Variants in TMEM132B observed in about 807,000 individuals in gnomAD.
TMEM132B encodes the protein transmembrane protein 132B.
A neutral mutation model predicts 90.8 loss-of-function variants in TMEM132B; 18 were observed. The ratio of observed to expected loss-of-function variants is 0.20; its 90% confidence interval spans 0.14 to 0.29. The LOEUF is 0.29. TMEM132B is among the 10% of genes least tolerant of loss of function. The pLI, the probability that TMEM132B is intolerant of heterozygous loss-of-function variation, is 1.00. For synonymous variants in TMEM132B, 504 were observed against 523.3 expected (o/e 0.96, Z 0.50); for missense variants, 1,096 against 1,326.8 (o/e 0.83, Z 2.70).
At chr12:125,227,842 A>C (rs151288089) in intron 1 of TMEM132B, among the ~76,000 whole-genome samples, 30 of 152,294 alleles carry the variant, frequency 2.0e-4, no homozygotes, top group African/African-American at 6.5e-4. Flanking sequence ...CCAGGAGACC[A>C]GCTCCATGGG....
rs190566634 is a variant in TMEM132B, at chr12:125,435,678, A to G, written c.1106+20001A>G. On this transcript the variant is annotated intron_variant, in intron 3 of 8. Coordinates refer to ENST00000682704, the MANE Select transcript of TMEM132B (RefSeq NM_001366854.1). ...AAAGATTTACTAACAGATGGAAGAAAGTGTCAGGGAGAAAAATAAAGCAGG... is the reference window on the plus strand; with the variant it reads ...AAAGATTTACTAACAGATGGAAGAAGGTGTCAGGGAGAAAAATAAAGCAGG... 9.8e-5 allele frequency among the ~76,000 whole-genome samples: 15 copies of G among 152,288 alleles called. 1 individual carries two copies. Among genetic ancestry groups the G allele is most frequent in the African/African-American group, 3.6e-4 (15 of 41,526 alleles).
Position 125,650,665 on chromosome 12 carries a change from C to G in TMEM132B, c.1644-18C>G. 6.2e-7 allele frequency: 1 copy of G among 1,601,014 alleles called. No individual in the cohort carries two copies. The highest frequency in any genetic ancestry group is 8.6e-7 in the Non-Finnish European group (1 of 1,169,036). On this transcript the variant is annotated intron_variant, in intron 6 of 8. Coordinates refer to ENST00000682704, the MANE Select transcript of TMEM132B (RefSeq NM_001366854.1). ...TAACAATGAAGACTTTGTTCTGTTT[C>G]GATTCCTTGTGCTCCAGGCCTACCC...
At chr12:125,297,252 G>GGA (rs1565995670) in intron 1 of TMEM132B, among the ~76,000 whole-genome samples, 2 of 152,218 alleles carry the variant, frequency 1.3e-5, no homozygotes, top group African/African-American at 4.8e-5. Flanking sequence ...ATCGTCTCAT[G>GGA]TCCCGAGGCA....
At chr12:125,622,236 G>T (rs544467922) in intron 5 of TMEM132B, among the ~76,000 whole-genome samples, 7 of 152,216 alleles carry the variant, frequency 4.6e-5, no homozygotes, top group Non-Finnish European at 1.0e-4. Context: ...GAAAAATATG[G>T]CTTAATTACA....
Position 125,453,076 on chromosome 12 carries a change from A to AACACAC in TMEM132B, c.1106+37433_1106+37438dup, listed in dbSNP as rs60350192. Among the ~76,000 whole-genome samples, 1,036 of 143,752 alleles carry AACACAC rather than the reference A, an allele frequency of 7.2e-3. 5 individuals are homozygous for AACACAC. Among genetic ancestry groups the AACACAC allele is most frequent in the African/African-American group, 0.022 (845 of 38,608 alleles). The allele number at this position is 143,752 out of a possible 152,430, so 94.3% of individuals were successfully genotyped here. ...CTGTTTGTTTTTTGCATTTCAGTAA[A>AACACAC]ACACACACACACACACACACACACA... On this transcript the variant is annotated intron_variant, in intron 3 of 8. Transcript: ENST00000682704.
chr12:125,635,308 A>G (rs1886455689), intron 5 of TMEM132B, among the ~76,000 whole-genome samples: 3 of 151,882 alleles, frequency 2.0e-5, no homozygotes, highest in Non-Finnish European at 4.4e-5. Flanking sequence ...CCCACCCCCA[A>G]CAGGCCCAGT....
intron 5 of TMEM132B, among the ~76,000 whole-genome samples, chr12:125,604,467 G>A (rs1388128945): frequency 6.6e-6 from 1 of 152,054 alleles, no homozygotes; most frequent in East Asian, 1.9e-4. Context: ...GGGAGGGGAG[G>A]GAGAGCATTG....
At chr12:125,203,440 C>G (rs1164323664) in intron 1 of TMEM132B, among the ~76,000 whole-genome samples, 7 of 152,182 alleles carry the variant, frequency 4.6e-5, no homozygotes, top group Non-Finnish European at 1.0e-4. Flanking sequence ...TGACACATCA[C>G]AAGCAACAGA....
intron 5 of TMEM132B, among the ~76,000 whole-genome samples, chr12:125,590,036 A>G (rs981137825): frequency 6.6e-6 from 1 of 151,990 alleles, no homozygotes; most frequent in Admixed American, 6.6e-5. Context: ...GTGAGTTCAC[A>G]TGAGACCTGG....
At chr12:125,385,560 A>G (rs185797756) in intron 2 of TMEM132B, among the ~76,000 whole-genome samples, 212 of 152,348 alleles carry the variant, frequency 1.4e-3, no homozygotes, top group African/African-American at 5.0e-3. Flanking sequence ...ATGAGAATAG[A>G]TGCTGACAAA....
chr12:125,505,098 T>C (rs1256912982), intron 3 of TMEM132B, among the ~76,000 whole-genome samples: 1 of 137,564 alleles, frequency 7.3e-6, no homozygotes, highest in Non-Finnish European at 1.5e-5. Flanking sequence ...TTCCACAGTG[T>C]CCAGGACGTG....
intron 1 of TMEM132B, among the ~76,000 whole-genome samples, chr12:125,219,820 C>A (rs1487905863): frequency 6.6e-6 from 1 of 152,176 alleles, no homozygotes; most frequent in Admixed American, 6.5e-5. Flanking sequence ...TCAGTGGGCA[C>A]CCTAGGATCT....
At chr12:125,242,412 A>C (rs151113734) in intron 1 of TMEM132B, among the ~76,000 whole-genome samples, 32 of 152,284 alleles carry the variant, frequency 2.1e-4, no homozygotes, top group African/African-American at 7.7e-4. Flanking sequence ...CAGTCTCCCA[A>C]TATCATTCCC....
At chr12:125,467,757 T>C (rs1480665629) in intron 3 of TMEM132B, among the ~76,000 whole-genome samples, 1 of 152,234 alleles carries the variant, frequency 6.6e-6, no homozygotes, top group Non-Finnish European at 1.5e-5. Context: ...AAGTAATCAT[T>C]CCCCATTCTC....
Position 125,209,919 on chromosome 12 carries a change from G to T in TMEM132B, c.67+23053G>T, listed in dbSNP as rs192230983. ...CTCGCCTTGTCCTGTGAGTCTCGTA[G>T]GTGCCTGCTCATTCGCTTGGTCATT... is the stretch of plus-strand genomic sequence containing the variant. On this transcript the variant is annotated intron_variant, in intron 1 of 8. Transcript: ENST00000682704. This position sits in a 1 kb window ranked among gnomAD's most constrained non-coding sequence, Gnocchi z 4.4. Among the ~76,000 whole-genome samples the T allele has an allele frequency of 6.6e-6, 1 of 152,218 alleles. No homozygotes were observed.
intron 2 of TMEM132B, among the ~76,000 whole-genome samples, chr12:125,397,642 T>G (rs1879205721): frequency 6.6e-6 from 1 of 152,182 alleles, no homozygotes; most frequent in African/African-American, 2.4e-5. Context: ...AGATGCACAT[T>G]GTCATTAACT....
At position 125,583,999 on chromosome 12, in the gene TMEM132B, G is replaced by A; in HGVS notation, c.1437+5G>A. 6.2e-7 allele frequency: 1 copy of A among 1,614,114 alleles called. No homozygotes were observed. The highest frequency in any genetic ancestry group is 8.5e-7 in the Non-Finnish European group (1 of 1,179,970). ...GCCGATGAAGATGTCATTAAGGTAA[G>A]GGGGGATTTATCTACAGCTGTCCTA... On this transcript the variant is annotated splice_donor_5th_base_variant and intron_variant, in intron 5 of 8. Coordinates refer to ENST00000682704, the MANE Select transcript of TMEM132B (RefSeq NM_001366854.1).
chr12:125,265,892 T>C (rs1365710266), intron 1 of TMEM132B, among the ~76,000 whole-genome samples: 1 of 152,080 alleles, frequency 6.6e-6, no homozygotes, highest in African/African-American at 2.4e-5. Context: ...AAATTGAGCT[T>C]GTGAGCTAAG....
At chr12:125,316,719 G>A (rs1209722691) in intron 1 of TMEM132B, among the ~76,000 whole-genome samples, 3 of 152,170 alleles carry the variant, frequency 2.0e-5, no homozygotes, top group Admixed American at 6.5e-5. Context: ...GTGGCAGAAC[G>A]GTGCCAGATG....
Sources: allele counts gnomAD v4.1 joint callset (sites outside exome capture counted in the v4.1 genomes callset), GRCh38; gene constraint gnomAD v4.1.1; non-coding constraint Gnocchi (gnomAD v3.1); transcripts MANE v1.5; gene names NCBI Gene and HGNC (gene_info 2026-07-23, HGNC 2026-07-21).